CMTM4: variants seen among roughly 807,000 people sequenced by gnomAD.
The protein encoded by CMTM4 is CKLF like MARVEL transmembrane domain containing 4.
CMTM4 carries 8 observed loss-of-function variants against 19.0 expected under a neutral mutation model. The observed-to-expected ratio is 0.42, with a 90% CI of 0.25 to 0.76. The LOEUF is 0.76. CMTM4 is among the 30% of genes least tolerant of loss of function. CMTM4 has a pLI of 0.27. For missense variants in CMTM4, 228 were observed against 290.2 expected, an observed-to-expected ratio of 0.79 and a Z score of 1.56; for synonymous variants, 106 against 121.1, an observed-to-expected ratio of 0.88 and a Z score of 0.82.
chr16:66,651,937 C>T lies in CMTM4; in HGVS notation c.187-15356G>A, dbSNP rs183169877. Among the ~76,000 whole-genome samples, 247 of 152,276 alleles carry T rather than the reference C, an allele frequency of 1.6e-3. 6 individuals carry two copies. The highest frequency in any genetic ancestry group is 2.4e-4 in the Non-Finnish European group (16 of 68,034). The stretch of plus-strand genomic sequence containing the variant: ...CAAGTGTAAATTATTCAATCTGCAA[C>T]CAAGGTGTTTGCATGTGATCTTTGG... On this transcript the variant is annotated intron_variant, in intron 1 of 3. Coordinates refer to ENST00000394106, the MANE Select transcript of CMTM4 (RefSeq NM_181521.3).
chr16:66,601,769 G>A, the CMTM4 span, among the ~76,000 whole-genome samples: 23 of 152,334 alleles, frequency 1.5e-4, no homozygotes, highest in African/African-American at 4.8e-4. Flanking sequence ...AGGCACTTCC[G>A]AGCCTGGGAG....
chr16:66,691,070 T>C (rs2017126088), intron 1 of CMTM4, among the ~76,000 whole-genome samples: 1 of 152,138 alleles, frequency 6.6e-6, no homozygotes. Context: ...TGAGCTATGA[T>C]CATGCCACTG....
At chr16:66,609,488 G>T in the CMTM4 span, 2 of 1,611,316 alleles carry the variant, frequency 1.2e-6, no homozygotes, top group East Asian at 4.5e-5. The surrounding 1 kb of genome is among the most constrained non-coding windows in gnomAD (Gnocchi z 4.4). Flanking sequence ...TCTCCATCAC[G>T]GCCATCGCCA....
intron 2 of CMTM4, among the ~76,000 whole-genome samples, chr16:66,628,597 A>AAG (rs2015791067): frequency 1.3e-5 from 2 of 152,380 alleles, no homozygotes; most frequent in Non-Finnish European, 2.9e-5. Context: ...AGGTTGGGGC[A>AAG]AAGTGGCTGG....
At chr16:66,639,133 C>CT (rs1237197737) in intron 1 of CMTM4, among the ~76,000 whole-genome samples, 1 of 152,212 alleles carries the variant, frequency 6.6e-6, no homozygotes, top group African/African-American at 2.4e-5. Context: ...GCACCATAGA[C>CT]TTTAATTCTC....
chr16:66,660,902 C>T (rs969409968), intron 1 of CMTM4, among the ~76,000 whole-genome samples: 1 of 152,060 alleles, frequency 6.6e-6, no homozygotes, highest in Admixed American at 6.6e-5. Flanking sequence ...TGCAGTTTAC[C>T]GCACGGTGGG....
At position 66,636,402 on chromosome 16, in the gene CMTM4, C is replaced by T. The variant is rs755600464; in HGVS notation, c.363+3G>A. ...CATGGCCAGAGTGGCCGCTTGTACTCACTGTCAGATTCCAGTTGATCTGGG... is the reference window on the plus strand; with the variant it reads ...CATGGCCAGAGTGGCCGCTTGTACTTACTGTCAGATTCCAGTTGATCTGGG... On this transcript the variant is annotated splice_donor_region_variant and intron_variant, in intron 2 of 3. Coordinates refer to ENST00000394106, the MANE Select transcript of CMTM4 (RefSeq NM_181521.3). 3 of 1,613,412 alleles carry T rather than the reference C, an allele frequency of 1.9e-6. No homozygotes were observed. Among genetic ancestry groups the T allele is most frequent in the Non-Finnish European group, 1.7e-6 (2 of 1,179,436 alleles).
At chr16:66,651,260 G>A (rs573589158) in intron 1 of CMTM4, among the ~76,000 whole-genome samples, 2 of 152,120 alleles carry the variant, frequency 1.3e-5, no homozygotes, top group East Asian at 1.9e-4. Flanking sequence ...CATCTTTCAC[G>A]GTGTTGAGAT....
chr16:66,641,393 A>T (rs2016095320), intron 1 of CMTM4, among the ~76,000 whole-genome samples: 2 of 152,194 alleles, frequency 1.3e-5, no homozygotes, highest in Admixed American at 1.3e-4. Context: ...GCAATAAATA[A>T]TATATCAGGG....
downstream of CMTM4, among the ~76,000 whole-genome samples, chr16:66,612,441 G>A (rs527724920): frequency 4.6e-5 from 7 of 152,104 alleles, no homozygotes; most frequent in South Asian, 1.5e-3. This position sits in a 1 kb window ranked among gnomAD's most constrained non-coding sequence, Gnocchi z 6.0. Context: ...GAGGGCCTCA[G>A]GCCCGCGGCC....
intron 2 of CMTM4, among the ~76,000 whole-genome samples, chr16:66,632,627 G>A (rs1015700686): frequency 6.6e-6 from 1 of 152,130 alleles, no homozygotes; most frequent in Non-Finnish European, 1.5e-5. Flanking sequence ...GGCCAGTTGA[G>A]TGGGAGCCAC....
intron 1 of CMTM4, among the ~76,000 whole-genome samples, chr16:66,694,072 G>A (rs1222283148): frequency 3.3e-5 from 5 of 151,790 alleles, no homozygotes; most frequent in East Asian, 1.9e-4. Context: ...GGGAGAGAGC[G>A]CGAGGGAGAG....
chr16:66,646,409 C>T (rs955435509), intron 1 of CMTM4, among the ~76,000 whole-genome samples: 1 of 151,770 alleles, frequency 6.6e-6, no homozygotes, highest in Non-Finnish European at 1.5e-5. Context: ...CATATATGTA[C>T]ACATTGTATA....
rs941647687 is a variant in CMTM4, at chr16:66,646,100, G to T, written c.187-9519C>A. On this transcript the variant is annotated intron_variant, in intron 1 of 3. Transcript: ENST00000394106. Reference sequence around the variant, plus strand: ...GATTCTGTGGACTGGCGGGGAAAGGGTCCAAGGGATACTTAGAGAAAGAAC... The same window carrying T: ...GATTCTGTGGACTGGCGGGGAAAGGTTCCAAGGGATACTTAGAGAAAGAAC... 3.9e-5 allele frequency among the ~76,000 whole-genome samples: 6 copies of T among 152,234 alleles called. No individual in the cohort carries two copies. The East Asian group carries it at 9.6e-4, about 24-fold the overall frequency.
At position 66,621,478 on chromosome 16, in the gene CMTM4, C is replaced by T. The variant is rs2015633222; in HGVS notation, c.*580G>A. 15 of 986,064 alleles carry T rather than the reference C, an allele frequency of 1.5e-5. No individual in the cohort carries two copies. Among genetic ancestry groups the T allele is most frequent in the Non-Finnish European group, 1.8e-5 (15 of 830,082 alleles). The allele number at this position is 986,064 out of a possible 1,614,324, so 61.1% of individuals were successfully genotyped here. Reference sequence around the variant, plus strand: ...CAGCAGAGTAGGAAACAAAAGGTCACCCTTCCTTGAGTCAGAGGTCCCTGG... The same window carrying T: ...CAGCAGAGTAGGAAACAAAAGGTCATCCTTCCTTGAGTCAGAGGTCCCTGG... On this transcript the variant is annotated 3_prime_UTR_variant, in exon 4 of 4. Transcript: ENST00000394106.
At chr16:66,610,695 G>A (rs538339084), downstream of CMTM4, among the ~76,000 whole-genome samples, 23 of 152,204 alleles carry the variant, frequency 1.5e-4, no homozygotes, top group Non-Finnish European at 3.2e-4. This position sits in a 1 kb window ranked among gnomAD's most constrained non-coding sequence, Gnocchi z 4.6. Context: ...ATGCTTCTCT[G>A]GACCAGGCGG....
At chr16:66,695,257 A>G (rs2144936998) in intron 1 of CMTM4, among the ~76,000 whole-genome samples, 1 of 152,208 alleles carries the variant, frequency 6.6e-6, no homozygotes, top group Middle Eastern at 3.4e-3. Context: ...TGAGGTGAGA[A>G]GATCGCTTGA....
intron 1 of CMTM4, among the ~76,000 whole-genome samples, chr16:66,657,542 AAC>A (rs1196907702): frequency 2.6e-5 from 4 of 152,352 alleles, no homozygotes; most frequent in East Asian, 1.9e-4. Context: ...CAGATATATA[AAC>A]ACACAGAGAG....
chr16:66,608,585 G>A, the CMTM4 span: 1 of 949,390 alleles, frequency 1.1e-6, no homozygotes, highest in South Asian at 1.6e-5. The surrounding 1 kb of genome is among the most constrained non-coding windows in gnomAD (Gnocchi z 5.1). Flanking sequence ...CAGTTGGTTA[G>A]AACTGGATGG....
Sources: gnomAD v4.1 joint callset for allele counts (sites outside exome capture counted in the v4.1 genomes callset) on GRCh38, gnomAD v4.1.1 for gene constraint, Gnocchi (gnomAD v3.1) non-coding constraint, MANE v1.5 for transcripts, NCBI Gene and HGNC (gene_info 2026-07-23, HGNC 2026-07-21) for gene names.